The following AGO1 variants were observed in gnomAD, a reference collection of about 807,000 sequenced individuals.
The protein encoded by AGO1 is argonaute RISC component 1.
AGO1 carries 11 observed loss-of-function variants against 109.2 expected under a neutral mutation model. The observed-to-expected ratio is 0.10, with a 90% CI of 0.06 to 0.17. The LOEUF (loss-of-function observed/expected upper bound fraction) is 0.17. Among genes scored for constraint, AGO1 ranks in the 10% least tolerant of loss-of-function variants. The probability of loss-of-function intolerance (pLI) is 1.00; values close to 1 mark genes in which losing one functional copy is unlikely to be tolerated. For missense variants in AGO1, 574 were observed against 1,140.3 expected, an observed-to-expected ratio of 0.50 and a Z score of 7.15; for synonymous variants, 422 against 418.6, an observed-to-expected ratio of 1.01 and a Z score of -0.10.
At chr1:35,899,739 A>C (rs932719834) in intron 8 of AGO1, among the ~76,000 whole-genome samples, 1 of 152,216 alleles carries the variant, frequency 6.6e-6, no homozygotes, top group African/African-American at 2.4e-5. Flanking sequence ...AACTCTGGGA[A>C]TTAGGACGAG....
intron 16 of AGO1, 65 bp downstream of exon 16, chr1:35,917,792 C>T: frequency 6.4e-7 from 1 of 1,563,828 alleles, no homozygotes; most frequent in Non-Finnish European, 8.7e-7. Flanking sequence ...AGAGAAGAAG[C>T]CCTTGAGATA....
rs1161287709 is a variant in AGO1 at position 35,922,031 on chromosome 1, G to A, written c.*2424G>A. On this transcript the variant is annotated 3_prime_UTR_variant, in exon 19 of 19. Transcript: ENST00000373204. ...TGTTCTCCACTTGGATACATTTTGGGGCTAGGATCAGGGCACTATTCCTGG... is the reference window on the plus strand; with the variant it reads ...TGTTCTCCACTTGGATACATTTTGGAGCTAGGATCAGGGCACTATTCCTGG... 6.6e-6 allele frequency: 1 copy of A among 152,658 alleles called. No homozygotes were observed. The highest frequency in any genetic ancestry group is 2.4e-5 in the African/African-American group (1 of 41,442). The allele number at this position is 152,658 out of a possible 1,614,324, so 9.5% of individuals were successfully genotyped here. A position where few individuals can be genotyped will look rare whatever the true frequency, so the allele number is the denominator to read the frequency against.
At chr1:35,879,100 A>G (rs370972593), upstream of AGO1, among the ~76,000 whole-genome samples, 1 of 152,194 alleles carries the variant, frequency 6.6e-6, no homozygotes, top group African/African-American at 2.4e-5. Context: ...AGGAGCCAAT[A>G]GGTTTGGTGG....
At chr1:35,882,726 G>T (rs536719101), upstream of AGO1, 1 of 785,162 alleles carries the variant, frequency 1.3e-6, no homozygotes, top group South Asian at 5.8e-5. This position sits in a 1 kb window ranked among gnomAD's most constrained non-coding sequence, Gnocchi z 5.1. Flanking sequence ...CGTGGAAGAG[G>T]GGGTGGCGTC....
At position 35,914,260 on chromosome 1, in the gene AGO1, CCTT is replaced by C. The variant is rs551219785; in HGVS notation, c.1822_1824del (p.Ser608del). The C allele has an allele frequency of 6.2e-7, 1 of 1,613,982 alleles. No individual in the cohort carries two copies. Among genetic ancestry groups the C allele is most frequent in the African/African-American group, 1.3e-5 (1 of 75,036 alleles). On this transcript the variant is annotated inframe_deletion, in exon 14 of 19. Coordinates refer to ENST00000373204, the MANE Select transcript of AGO1 (RefSeq NM_012199.5). ...CCCCCCAGCAGGGGATGGGAAAAAA[CCTT>C]CTATCACAGCAGTGAGTGATATTCT... is the stretch of plus-strand genomic sequence containing the variant.
Position 35,901,682 on chromosome 1 carries a change from C to T in AGO1, c.1140+89C>T. 6.3e-7 allele frequency: 1 copy of T among 1,591,298 alleles called. No homozygotes were observed. Among genetic ancestry groups the T allele is most frequent in the Non-Finnish European group, 8.6e-7 (1 of 1,166,354 alleles). Reference sequence around the variant, plus strand: ...CCAGCAGGACCTTCCTTCAGGAGAACCCAAGTCTAGATTTGTTGCCTAGGA... The same window carrying T: ...CCAGCAGGACCTTCCTTCAGGAGAATCCAAGTCTAGATTTGTTGCCTAGGA... On this transcript the variant is annotated intron_variant, in intron 9 of 18. Transcript: ENST00000373204. The surrounding 1 kb of genome is among the most constrained non-coding windows in gnomAD (Gnocchi z 4.8).
intron 12 of AGO1, among the ~76,000 whole-genome samples, chr1:35,913,309 G>A (rs570943743): frequency 1.3e-5 from 2 of 152,264 alleles, no homozygotes; most frequent in African/African-American, 2.4e-5. Flanking sequence ...GTGAGCCACC[G>A]CGCCTGGCGT....
chr1:35,903,660 C>T (rs1174628945), intron 11 of AGO1, among the ~76,000 whole-genome samples: 1 of 150,056 alleles, frequency 6.7e-6, no homozygotes, highest in African/African-American at 2.5e-5. Flanking sequence ...GTTTTCTGGG[C>T]AATATAGATC....
At chr1:35,899,837 T>C (rs910280279) in intron 8 of AGO1, among the ~76,000 whole-genome samples, 4 of 152,162 alleles carry the variant, frequency 2.6e-5, no homozygotes, top group African/African-American at 9.7e-5. Context: ...ATGAGACAGC[T>C]AGTGTATTTT....
rs1645983185 is a variant in AGO1, at chr1:35,928,965, T to C, written c.*9358T>C. The C allele has an allele frequency of 6.6e-6, 1 of 152,250 alleles. No homozygotes were observed. The highest frequency in any genetic ancestry group is 1.5e-5 in the Non-Finnish European group (1 of 68,040). 9.4% of individuals were successfully genotyped at this position (152,250 alleles called of 1,614,324 possible). ...TATGAGGGCAGAGTTTTAGCTTGTT[T>C]GCTGAGCCCCATTCTTGAAGCTCAT... On this transcript the variant is annotated 3_prime_UTR_variant, in exon 19 of 19. Coordinates refer to ENST00000373204, the MANE Select transcript of AGO1 (RefSeq NM_012199.5).
In AGO1 at chr1:35,924,256, C is replaced by G. The variant is rs1645885837; in HGVS notation, c.*4649C>G. 1 of 154,134 alleles carries G rather than the reference C, an allele frequency of 6.5e-6. No individual in the cohort carries two copies. Among genetic ancestry groups the G allele is most frequent in the African/African-American group, 2.4e-5 (1 of 41,464 alleles). 9.5% of individuals were successfully genotyped at this position (154,134 alleles called of 1,614,324 possible). A position where few individuals can be genotyped will look rare whatever the true frequency, so the allele number is the denominator to read the frequency against. On this transcript the variant is annotated 3_prime_UTR_variant, in exon 19 of 19. Transcript: ENST00000373204. The stretch of plus-strand genomic sequence containing the variant: ...ATCAGCAGCAGCAGCAGCAGCAGCA[C>G]AATTCTGTGTTTTATAAAGACAACA...
intron 1 of AGO1, among the ~76,000 whole-genome samples, chr1:35,870,283 G>A (rs1389740002): frequency 6.6e-6 from 1 of 150,972 alleles, no homozygotes; most frequent in Admixed American, 6.6e-5. Context: ...TTTTGTTGTT[G>A]TTTTTTGTTT....
In AGO1 at chr1:35,929,614, T is replaced by G. The variant is rs1397201950; in HGVS notation, c.*10007T>G. On this transcript the variant is annotated 3_prime_UTR_variant, in exon 19 of 19. Transcript: ENST00000373204. ...TAAAAATGACTTTTAAGATGCAGTG[T>G]TTCATCTGGTGACATTTAATTTGAT... 1 of 152,242 alleles carries G rather than the reference T, an allele frequency of 6.6e-6. No homozygotes were observed. Among genetic ancestry groups the G allele is most frequent in the Non-Finnish European group, 1.5e-5 (1 of 68,044 alleles). The allele number at this position is 152,242 out of a possible 1,614,324, so 9.4% of individuals were successfully genotyped here. A position where few individuals can be genotyped will look rare whatever the true frequency, so the allele number is the denominator to read the frequency against.
chr1:35,919,853 C>G lies in AGO1; in HGVS notation c.*246C>G, dbSNP rs1571381393. 1 of 505,686 alleles carries G rather than the reference C, an allele frequency of 2.0e-6. No individual in the cohort carries two copies. Among genetic ancestry groups the G allele is most frequent in the African/African-American group, 1.9e-5 (1 of 52,344 alleles). 31.3% of individuals were successfully genotyped at this position (505,686 alleles called of 1,614,324 possible). A position where few individuals can be genotyped will look rare whatever the true frequency, so the allele number is the denominator to read the frequency against. ...TCACCCCATCTTGTCACATCTGGCC[C>G]TGACCCCACTGGACCAAAAGGGGCA... On this transcript the variant is annotated 3_prime_UTR_variant, in exon 19 of 19. Coordinates refer to ENST00000373204, the MANE Select transcript of AGO1 (RefSeq NM_012199.5). This position sits in a 1 kb window ranked among gnomAD's most constrained non-coding sequence, Gnocchi z 6.6.
At position 35,893,520 on chromosome 1, in the gene AGO1, T is replaced by A. The variant is rs1645260503; in HGVS notation, c.513-154T>A. The A allele has an allele frequency of 5.6e-6, 5 of 896,282 alleles. No homozygotes were observed. The highest frequency in any genetic ancestry group is 8.2e-6 in the Non-Finnish European group (5 of 607,624). The allele number at this position is 896,282 out of a possible 1,614,324, so 55.5% of individuals were successfully genotyped here. ...TGCAGGGCAGAGAGAAGGTAGAAACTTGTACAAGGTCAGTCATACAACTAG... is the reference window on the plus strand; with the variant it reads ...TGCAGGGCAGAGAGAAGGTAGAAACATGTACAAGGTCAGTCATACAACTAG... On this transcript the variant is annotated intron_variant, in intron 4 of 18. Transcript: ENST00000373204. The surrounding 1 kb of genome is among the most constrained non-coding windows in gnomAD (Gnocchi z 5.6).
Position 35,894,367 on chromosome 1 carries a change from G to A in AGO1, c.837G>A (p.Val279=), listed in dbSNP as rs1292791760. 1 of 1,614,222 alleles carries A rather than the reference G, an allele frequency of 6.2e-7. No individual in the cohort carries two copies. The highest frequency in any genetic ancestry group is 8.5e-7 in the Non-Finnish European group (1 of 1,180,048). Residue 279 remains valine (V), a synonymous_variant, in exon 7 of 19, where the codon GTG becomes GTA. Coordinates refer to ENST00000373204, the MANE Select transcript of AGO1 (RefSeq NM_012199.5). ...HCGQMKRKYR[V]CNVTRRPASH... ...GACAGATGAAGAGGAAGTACCGCGT[G>A]TGTAATGTTACCCGTCGCCCTGCTA... is the stretch of plus-strand genomic sequence containing the variant.
At chr1:35,879,734 CAAAAAAAAAAAAAAAA>C (rs71034705), upstream of AGO1, among the ~76,000 whole-genome samples, 1 of 57,500 alleles carries the variant, frequency 1.7e-5, no homozygotes, top group Non-Finnish European at 2.7e-5. Flanking sequence ...GGTTCTGTCT[CAAAAAAAAAAAAAAAA>C]AAAAAAAAAA....
In AGO1 at chr1:35,903,638, T is replaced by C. The variant is rs1171083589; in HGVS notation, c.1397+1301T>C. 2.0e-5 allele frequency among the ~76,000 whole-genome samples: 3 copies of C among 152,016 alleles called. No individual in the cohort carries two copies. In the East Asian group the frequency reaches 5.8e-4, roughly 29 times the overall value. On this transcript the variant is annotated intron_variant, in intron 11 of 18. Transcript: ENST00000373204. Reference sequence around the variant, plus strand: ...CAGGAGGCTGAGGCAGGAGGATCACTTGAGCCCAGGAGTTTTCTGGGCAAT... The same window carrying C: ...CAGGAGGCTGAGGCAGGAGGATCACCTGAGCCCAGGAGTTTTCTGGGCAAT...
intron 8 of AGO1, among the ~76,000 whole-genome samples, chr1:35,899,165 A>G (rs1352784326): frequency 6.6e-6 from 1 of 152,218 alleles, no homozygotes; most frequent in Non-Finnish European, 1.5e-5. Flanking sequence ...TGACTGGCAT[A>G]TTTCACTTAA....
Sources: allele counts gnomAD v4.1 joint callset (sites outside exome capture counted in the v4.1 genomes callset), GRCh38; gene constraint gnomAD v4.1.1; non-coding constraint Gnocchi (gnomAD v3.1); transcripts MANE v1.5; gene names NCBI Gene and HGNC (gene_info 2026-07-23, HGNC 2026-07-21).